PTPRD: variants seen among roughly 807,000 people sequenced by gnomAD.
PTPRD encodes the protein receptor-type tyrosine-protein phosphatase delta.
PTPRD carries 34 observed loss-of-function variants against 214.5 expected under a neutral mutation model. The observed-to-expected ratio is 0.16, with a 90% CI of 0.12 to 0.21. The LOEUF (loss-of-function observed/expected upper bound fraction) is 0.21. PTPRD is among the 10% of genes least tolerant of loss of function. The pLI is 1.00. For synonymous variants in PTPRD, 1,128 were observed against 845.7 expected (o/e 1.33, Z -5.79); for missense variants, 2,545 against 2,398.7 (o/e 1.06, Z -1.27).
chr9:9,790,584 A>G (rs1288066739), intron 5 of PTPRD, among the ~76,000 whole-genome samples: 1 of 152,216 alleles, frequency 6.6e-6, no homozygotes, highest in African/African-American at 2.4e-5. Context: ...TGAACTCAAT[A>G]CTAGTTTAAT....
intron 4 of PTPRD, among the ~76,000 whole-genome samples, chr9:9,961,208 TTTC>T (rs1308028171): frequency 6.6e-6 from 1 of 151,900 alleles, no homozygotes; most frequent in Non-Finnish European, 1.5e-5. Flanking sequence ...ATACATACTC[TTTC>T]CTTTCAAGAA....
At chr9:9,529,626 T>C (rs938932700) in intron 8 of PTPRD, among the ~76,000 whole-genome samples, 2 of 152,056 alleles carry the variant, frequency 1.3e-5, no homozygotes, top group Non-Finnish European at 2.9e-5. Flanking sequence ...AATTAACTTC[T>C]GTTATAGTAC....
intron 3 of PTPRD, among the ~76,000 whole-genome samples, chr9:10,082,863 A>ACACC (rs1225079560): frequency 6.7e-6 from 1 of 150,014 alleles, no homozygotes; most frequent in Non-Finnish European, 1.5e-5. Context: ...ACACACACAC[A>ACACC]CCCTAGATTT....
At chr9:8,779,814 G>GTTT (rs369478924) in intron 11 of PTPRD, among the ~76,000 whole-genome samples, 1 of 128,448 alleles carries the variant, frequency 7.8e-6, no homozygotes, top group African/African-American at 2.8e-5. Context: ...TGTTTTGTTG[G>GTTT]TTTTTTTTTT....
chr9:8,933,155 G>A (rs1404995763), intron 11 of PTPRD, among the ~76,000 whole-genome samples: 1 of 151,936 alleles, frequency 6.6e-6, no homozygotes, highest in Non-Finnish European at 1.5e-5. Flanking sequence ...CCTGGGTGAG[G>A]TGACGCCCCA....
chr9:10,064,382 G>A (rs2097839304), intron 3 of PTPRD, among the ~76,000 whole-genome samples: 1 of 151,918 alleles, frequency 6.6e-6, no homozygotes, highest in South Asian at 2.1e-4. Context: ...CAAAAAAGAT[G>A]AAAAACATGA....
intron 3 of PTPRD, among the ~76,000 whole-genome samples, chr9:10,317,794 A>G (rs191530990): frequency 2.0e-4 from 30 of 152,176 alleles, no homozygotes; most frequent in Admixed American, 1.6e-3. Context: ...TAAGCTGGCC[A>G]TGTATAACGT....
intron 5 of PTPRD, among the ~76,000 whole-genome samples, chr9:9,884,205 G>T (rs1004991631): frequency 6.6e-6 from 1 of 152,086 alleles, no homozygotes; most frequent in African/African-American, 2.4e-5. Context: ...TATGGACTGT[G>T]TTCAGGGCAC....
At position 8,954,593 on chromosome 9, in the gene PTPRD, A is replaced by G. The variant is rs973241569; in HGVS notation, c.-104+64104T>C. Reference sequence around the variant, plus strand: ...AGCAAAAACAAAAAACCACTCAGCTAAAGAGCCTGAGTAGTGGGCTTGGGC... The same window carrying G: ...AGCAAAAACAAAAAACCACTCAGCTGAAGAGCCTGAGTAGTGGGCTTGGGC... On this transcript the variant is annotated intron_variant, in intron 11 of 45. Coordinates refer to ENST00000381196, the MANE Select transcript of PTPRD (RefSeq NM_002839.4). Among the ~76,000 whole-genome samples the G allele has an allele frequency of 1.3e-5, 2 of 151,920 alleles. 1 individual carries two copies. The highest frequency in any genetic ancestry group is 4.8e-5 in the African/African-American group (2 of 41,422).
chr9:8,754,184 C>T (rs2093781283), intron 11 of PTPRD, among the ~76,000 whole-genome samples: 1 of 152,100 alleles, frequency 6.6e-6, no homozygotes, highest in African/African-American at 2.4e-5. Context: ...CAATCTTTCC[C>T]AAGTTTATCT....
intron 14 of PTPRD, among the ~76,000 whole-genome samples, chr9:8,601,478 G>C (rs932191693): frequency 1.3e-5 from 2 of 152,166 alleles, no homozygotes; most frequent in Admixed American, 6.5e-5. Flanking sequence ...CATAGTCCCA[G>C]TGGTGATGGC....
intron 5 of PTPRD, among the ~76,000 whole-genome samples, chr9:9,928,897 T>C (rs761088445): frequency 6.6e-6 from 1 of 152,242 alleles, no homozygotes; most frequent in East Asian, 1.9e-4. Context: ...GTTTTCACAC[T>C]TATAAAGTAC....
intron 5 of PTPRD, among the ~76,000 whole-genome samples, chr9:9,784,888 C>G (rs949467687): frequency 6.8e-6 from 1 of 147,876 alleles, no homozygotes; most frequent in Non-Finnish European, 1.5e-5. Context: ...ACGCACACAC[C>G]TATACACACA....
At position 9,745,381 on chromosome 9, in the gene PTPRD, G is replaced by C. The variant is rs1485279467; in HGVS notation, c.-325-10810C>G. Among the ~76,000 whole-genome samples the C allele has an allele frequency of 2.0e-5, 3 of 151,966 alleles. No individual in the cohort carries two copies. In the East Asian group the frequency reaches 5.8e-4, roughly 29 times the overall value. ...TCCTAGAAGTGAAATGAAGGCTTCGGTCCCACCAGAGAGGCAAGTAGCACA... is the reference window on the plus strand; with the variant it reads ...TCCTAGAAGTGAAATGAAGGCTTCGCTCCCACCAGAGAGGCAAGTAGCACA... On this transcript the variant is annotated intron_variant, in intron 6 of 45. Transcript: ENST00000381196.
chr9:9,256,358 T>G (rs897108194), intron 9 of PTPRD, among the ~76,000 whole-genome samples: 1 of 152,024 alleles, frequency 6.6e-6, no homozygotes, highest in Admixed American at 6.6e-5. Flanking sequence ...CTCCACCTCT[T>G]CCTTTTTCTT....
intron 5 of PTPRD, among the ~76,000 whole-genome samples, chr9:9,889,106 G>C (rs79060042): frequency 0.026 from 3,949 of 152,228 alleles, 144 homozygotes; most frequent in African/African-American, 0.085. Flanking sequence ...ATGGTTGCCA[G>C]GTGCTGGGAT....
At chr9:10,140,872 C>A (rs1435163152) in intron 3 of PTPRD, among the ~76,000 whole-genome samples, 1 of 151,778 alleles carries the variant, frequency 6.6e-6, no homozygotes, top group Non-Finnish European at 1.5e-5. Flanking sequence ...CAAACCGAAT[C>A]CAGCAGCACA....
intron 8 of PTPRD, among the ~76,000 whole-genome samples, chr9:9,509,201 T>C (rs1207225863): frequency 1.3e-5 from 2 of 151,608 alleles, no homozygotes. Flanking sequence ...TCCTGTAAAA[T>C]ACACATATAT....
chr9:9,484,653 T>G (rs2095553524), intron 8 of PTPRD, among the ~76,000 whole-genome samples: 1 of 152,136 alleles, frequency 6.6e-6, no homozygotes, highest in African/African-American at 2.4e-5. Flanking sequence ...AACAACTCTA[T>G]GAGAAAGACA....
Sources: allele counts gnomAD v4.1 joint callset (sites outside exome capture counted in the v4.1 genomes callset), GRCh38; gene constraint gnomAD v4.1.1; transcripts MANE v1.5; gene names NCBI Gene and HGNC (gene_info 2026-07-23, HGNC 2026-07-21).